Variants in PPP2R1B observed in about 807,000 individuals in gnomAD.
PPP2R1B encodes serine/threonine-protein phosphatase 2A 65 kDa regulatory subunit A beta isoform.
In PPP2R1B, 58 loss-of-function variants were observed where a neutral mutation model predicts 72.7. The observed-to-expected ratio is 0.80, with a 90% CI of 0.65 to 0.99. The LOEUF is 0.99. PPP2R1B is among the 50% of genes least tolerant of loss of function. The pLI, the probability that PPP2R1B is intolerant of heterozygous loss-of-function variation, is 0.00. For synonymous variants in PPP2R1B, 256 were observed against 264.6 expected (o/e 0.97, Z 0.32); for missense variants, 695 against 733.6 (o/e 0.95, Z 0.61).
chr11:111,700,119 C>T, the PPP2R1B span, among the ~76,000 whole-genome samples: 601 of 152,320 alleles, frequency 3.9e-3, 8 homozygotes, highest in African/African-American at 0.014. Flanking sequence ...ACAATACTTA[C>T]TAAATTTTTT....
At chr11:111,741,866 C>A in intron 14 of PPP2R1B, 187 bp downstream of exon 14, 1 of 722,010 alleles carries the variant, frequency 1.4e-6, no homozygotes, top group South Asian at 1.7e-5. Flanking sequence ...AAATAGCCTG[C>A]TCACTTATGA....
intron 13 of PPP2R1B, 51 bp from the exon 14 acceptor site, chr11:111,742,195 A>G (rs1188012289): frequency 7.0e-7 from 1 of 1,427,066 alleles, no homozygotes. Context: ...GGCCATAGAA[A>G]TCCTTTTTGG....
At chr11:111,722,149 T>C (rs1943821180), downstream of PPP2R1B, among the ~76,000 whole-genome samples, 1 of 152,214 alleles carries the variant, frequency 6.6e-6, no homozygotes, top group South Asian at 2.1e-4. This position sits in a 1 kb window ranked among gnomAD's most constrained non-coding sequence, Gnocchi z 4.4. Context: ...GGCTTTGTCC[T>C]CAAGCCCCAC....
the PPP2R1B span, among the ~76,000 whole-genome samples, chr11:111,689,492 T>G: frequency 1.3e-5 from 2 of 152,108 alleles, no homozygotes; most frequent in Admixed American, 1.3e-4. Context: ...GTTGAAGGTA[T>G]GTAAGGGAGA....
the PPP2R1B span, chr11:111,703,327 A>G: frequency 6.2e-7 from 1 of 1,614,202 alleles, no homozygotes; most frequent in Non-Finnish European, 8.5e-7. Context: ...TTCTCTATCC[A>G]CAAGAGCAAG....
the PPP2R1B span, among the ~76,000 whole-genome samples, chr11:111,693,149 T>A: frequency 2.0e-5 from 3 of 152,030 alleles, no homozygotes; most frequent in Admixed American, 6.6e-5. Context: ...CTGGCCAACA[T>A]GGTGAAACCC....
In PPP2R1B at chr11:111,740,981, G is replaced by A. The variant is rs1013997855; in HGVS notation, c.*615C>T. ...GCAGCCACACTTCAGGTTTCTGAAT[G>A]ACATGAGTACAGACAAAATTGAGCA... On this transcript the variant is annotated 3_prime_UTR_variant, in exon 15 of 15. Coordinates refer to ENST00000527614, the MANE Select transcript of PPP2R1B (RefSeq NM_002716.5). 1 of 985,538 alleles carries A rather than the reference G, an allele frequency of 1.0e-6. No individual in the cohort carries two copies. The highest frequency in any genetic ancestry group is 4.7e-5 in the South Asian group (1 of 21,288). The allele number at this position is 985,538 out of a possible 1,614,324, so 61.0% of individuals were successfully genotyped here.
chr11:111,735,557 C>T (rs1734149835), downstream of PPP2R1B, among the ~76,000 whole-genome samples: 4 of 152,242 alleles, frequency 2.6e-5, no homozygotes, highest in African/African-American at 9.6e-5. Flanking sequence ...CAGATCCTGC[C>T]TGGGTGGACA....
the PPP2R1B span, among the ~76,000 whole-genome samples, chr11:111,704,211 T>C: frequency 2.6e-5 from 4 of 152,188 alleles, no homozygotes; most frequent in African/African-American, 9.7e-5. Flanking sequence ...GTCCATGAAG[T>C]GCATCCTGAG....
the PPP2R1B span, among the ~76,000 whole-genome samples, chr11:111,715,793 CTTTTTT>C: frequency 2.8e-3 from 230 of 81,592 alleles, no homozygotes; most frequent in African/African-American, 0.01. Flanking sequence ...TCATTTTTAG[CTTTTTT>C]TTTTTTTTTT....
intron 4 of PPP2R1B, 120 bp from the exon 5 acceptor site, chr11:111,760,071 C>T: frequency 9.2e-7 from 1 of 1,081,450 alleles, no homozygotes; most frequent in South Asian, 1.9e-5. Context: ...TAAGCTTCTA[C>T]TTATAGAAGT....
intron 5 of PPP2R1B, among the ~76,000 whole-genome samples, chr11:111,758,692 G>A (rs184767729): frequency 6.5e-4 from 99 of 152,246 alleles, no homozygotes; most frequent in African/African-American, 2.4e-3. Context: ...GTGGCAAGTG[G>A]AGGAGGAAAG....
chr11:111,749,275 T>TTTG (rs59554766), intron 10 of PPP2R1B, among the ~76,000 whole-genome samples: 103 of 151,744 alleles, frequency 6.8e-4, no homozygotes, highest in African/African-American at 1.4e-3. Context: ...TATTTTCCAG[T>TTTG]TTGTTGTTGT....
At chr11:111,701,874 G>A in the PPP2R1B span, among the ~76,000 whole-genome samples, 1 of 152,080 alleles carries the variant, frequency 6.6e-6, no homozygotes, top group African/African-American at 2.4e-5. The surrounding 1 kb of genome is among the most constrained non-coding windows in gnomAD (Gnocchi z 4.2). Context: ...TGTAGATACA[G>A]ATTCACAACC....
At chr11:111,707,403 G>A in the PPP2R1B span, among the ~76,000 whole-genome samples, 1 of 152,154 alleles carries the variant, frequency 6.6e-6, no homozygotes, top group Admixed American at 6.5e-5. Context: ...ATACATAAAC[G>A]TGACTTCTTA....
chr11:111,715,793 C>CTTTTTTTTTTTTTTTTTTTTTT, the PPP2R1B span, among the ~76,000 whole-genome samples: 1 of 81,580 alleles, frequency 1.2e-5, no homozygotes, highest in African/African-American at 4.9e-5. Context: ...TCATTTTTAG[C>CTTTTTTTTTTTTTTTTTTTTTT]TTTTTTTTTT....
At chr11:111,695,907 G>T in the PPP2R1B span, among the ~76,000 whole-genome samples, 1 of 152,136 alleles carries the variant, frequency 6.6e-6, no homozygotes, top group African/African-American at 2.4e-5. Context: ...ATATAATTTA[G>T]TGATGACAGT....
chr11:111,760,887 T>A lies in PPP2R1B; in HGVS notation c.471A>T (p.Thr157=). The change falls in exon 4 of 15, where the codon ACA becomes ACT. Residue 157 remains threonine (T), a synonymous_variant. Transcript: ENST00000527614. ...LASGDWFTSR[T]SACGLFSVCY... ...AAACGCTGAACAAACCACATGCAGA[T>A]GTGCGAGAGGTGAACCAATCCCCAC... is the stretch of plus-strand genomic sequence containing the variant. 6.2e-7 allele frequency: 1 copy of A among 1,614,204 alleles called. No individual in the cohort carries two copies. The highest frequency in any genetic ancestry group is 8.5e-7 in the Non-Finnish European group (1 of 1,180,036).
At chr11:111,690,652 C>T in the PPP2R1B span, among the ~76,000 whole-genome samples, 21 of 151,264 alleles carry the variant, frequency 1.4e-4, no homozygotes, top group Non-Finnish European at 3.1e-4. Context: ...TGATGTTCCC[C>T]TCCCTGTGTC....
Sources: allele counts gnomAD v4.1 joint callset (sites outside exome capture counted in the v4.1 genomes callset), GRCh38; gene constraint gnomAD v4.1.1; non-coding constraint Gnocchi (gnomAD v3.1); transcripts MANE v1.5; gene names NCBI Gene and HGNC (gene_info 2026-07-23, HGNC 2026-07-21).